The following INTS7 variants were observed in gnomAD, a reference collection of about 807,000 sequenced individuals.
INTS7 encodes chromosome 1 open reading frame 73.
INTS7 carries 46 observed loss-of-function variants against 109.2 expected under a neutral mutation model. That is an observed-to-expected ratio of 0.42 (90% CI 0.33 to 0.54). INTS7 has a LOEUF of 0.54. Among genes scored for constraint, INTS7 ranks in the 20% least tolerant of loss-of-function variants. The pLI is 0.07. For synonymous variants in INTS7, 412 were observed against 402.9 expected (o/e 1.02, Z -0.27); for missense variants, 929 against 1,132.4 (o/e 0.82, Z 2.58).
chr1:211,993,330 A>G (rs1665225012), intron 7 of INTS7, among the ~76,000 whole-genome samples: 1 of 152,250 alleles, frequency 6.6e-6, no homozygotes, highest in Non-Finnish European at 1.5e-5. Context: ...ACTATCTGGA[A>G]CAAATAATAC....
chr1:212,000,048 T>C (rs1480597160), intron 7 of INTS7, among the ~76,000 whole-genome samples: 1 of 151,776 alleles, frequency 6.6e-6, no homozygotes, highest in Non-Finnish European at 1.5e-5. Context: ...GAGGTTGCAG[T>C]GAGCCGAGAT....
chr1:211,944,856 G>A lies in INTS7; in HGVS notation c.2529C>T (p.Leu843=), dbSNP rs771482694. The A allele has an allele frequency of 6.2e-7, 1 of 1,614,192 alleles. No individual in the cohort carries two copies. ...GACAGACAGACTGAATTTTGCGGAA[G>A]AGTCCTGGTTTAGATCCGTGCTGAA... ...GVVQHGSKPG[L]FRKIQSVCLN... Residue 843 remains leucine (L), a synonymous_variant, in exon 19 of 20, where the codon CTC becomes CTT. Transcript: ENST00000366994.
chr1:212,005,926 A>C (rs543413282), intron 7 of INTS7, among the ~76,000 whole-genome samples: 2 of 152,322 alleles, frequency 1.3e-5, no homozygotes, highest in South Asian at 4.1e-4. Flanking sequence ...CAAACAGAAA[A>C]ACAAACACAG....
intron 7 of INTS7, among the ~76,000 whole-genome samples, chr1:212,005,623 C>G (rs79300590): frequency 0.034 from 5,207 of 152,170 alleles, 300 homozygotes; most frequent in African/African-American, 0.12. Context: ...GGGTTTGGTT[C>G]TTTGTACAAA....
intron 16 of INTS7, among the ~76,000 whole-genome samples, chr1:211,963,524 T>C (rs1239548577): frequency 2.6e-5 from 4 of 151,988 alleles, no homozygotes; most frequent in Non-Finnish European, 4.4e-5. Context: ...CAAAACCTGG[T>C]GGAGACACAA....
intron 16 of INTS7, among the ~76,000 whole-genome samples, chr1:211,956,185 T>C (rs537531050): frequency 1.4e-4 from 21 of 152,348 alleles, no homozygotes; most frequent in African/African-American, 5.1e-4. Flanking sequence ...TACAATTATT[T>C]TGGCATCTTT....
chr1:212,013,788 G>A (rs115965470), intron 4 of INTS7, among the ~76,000 whole-genome samples: 3,966 of 152,290 alleles, frequency 0.026, 58 homozygotes, highest in African/African-American at 0.046. Flanking sequence ...GAAACATGCT[G>A]TACAGGTTTA....
intron 6 of INTS7, among the ~76,000 whole-genome samples, 186 bp downstream of exon 6, chr1:212,007,064 G>T (rs555437735): frequency 6.6e-6 from 1 of 151,424 alleles, no homozygotes; most frequent in South Asian, 2.1e-4. Flanking sequence ...TTTCCTCAAG[G>T]GCTCCCAACA....
At position 211,972,168 on chromosome 1, in the gene INTS7, T is replaced by C. The variant is rs566985588; in HGVS notation, c.1815+2998A>G. ...AAGGTAATGGTAATGTCCTATTTTC[T>C]AACTGGATGTTTGGATATTTGTTGT... On this transcript the variant is annotated intron_variant, in intron 13 of 19. Coordinates refer to ENST00000366994, the MANE Select transcript of INTS7 (RefSeq NM_015434.4). Among the ~76,000 whole-genome samples, 8 of 152,326 alleles carry C rather than the reference T, an allele frequency of 5.3e-5. No homozygotes were observed. In the East Asian group the frequency reaches 1.2e-3, roughly 22 times the overall value.
intron 7 of INTS7, among the ~76,000 whole-genome samples, chr1:211,998,883 A>G (rs1198465326): frequency 2.0e-5 from 3 of 152,236 alleles, no homozygotes; most frequent in Non-Finnish European, 4.4e-5. Flanking sequence ...GATACAGATG[A>G]CAAATAAGCC....
At chr1:212,016,130 T>C (rs1365686823) in intron 4 of INTS7, among the ~76,000 whole-genome samples, 1 of 152,210 alleles carries the variant, frequency 6.6e-6, no homozygotes, top group Non-Finnish European at 1.5e-5. Context: ...TTGCTTCTCA[T>C]TTCTTTTGTT....
intron 17 of INTS7, among the ~76,000 whole-genome samples, chr1:211,949,338 C>T (rs1662987472): frequency 6.6e-6 from 1 of 152,134 alleles, no homozygotes; most frequent in African/African-American, 2.4e-5. Context: ...ATTTACTATC[C>T]AACTGCCTAA....
At position 211,975,196 on chromosome 1, in the gene INTS7, T is replaced by G; in HGVS notation, c.1785A>C (p.Lys595Asn). Residue 595 changes from lysine (K) to asparagine (N), a missense_variant, in exon 13 of 20, where the codon AAA becomes AAC. Around this residue, in one of 2 missense-constraint regions of INTS7, gnomAD observed 787 missense variants for 901.1 expected, o/e 0.87. Coordinates refer to ENST00000366994, the MANE Select transcript of INTS7 (RefSeq NM_015434.4). The stretch of plus-strand genomic sequence containing the variant: ...AGGAAGCAATCCCTTTGTGATAGAA[T>G]TTTAAAGATTCAGCAATGCAAGAAA... ...SALSCIAESL[K>N]FYHKGIASLT... is the part of the protein sequence containing the mutation. 5.0e-6 allele frequency: 8 copies of G among 1,613,684 alleles called. No homozygotes were observed. Among genetic ancestry groups the G allele is most frequent in the Non-Finnish European group, 6.8e-6 (8 of 1,179,566 alleles).
intron 7 of INTS7, among the ~76,000 whole-genome samples, chr1:212,001,169 C>T (rs187847823): frequency 8.6e-5 from 13 of 150,768 alleles, no homozygotes; most frequent in Admixed American, 4.0e-4. Context: ...CGGATTCAAG[C>T]GATTCTCCTG....
intron 16 of INTS7, among the ~76,000 whole-genome samples, chr1:211,964,201 G>A (rs774212006): frequency 6.6e-6 from 1 of 151,982 alleles, no homozygotes. Flanking sequence ...AACAACAGTC[G>A]AGCTGAAAGC....
At chr1:211,954,394 A>C (rs866241890) in intron 16 of INTS7, among the ~76,000 whole-genome samples, 5 of 152,174 alleles carry the variant, frequency 3.3e-5, no homozygotes, top group Middle Eastern at 6.8e-3. Flanking sequence ...GAAGCTCTTT[A>C]GTTTAATTAG....
intron 1 of INTS7, among the ~76,000 whole-genome samples, chr1:212,034,666 A>C (rs1363765496): frequency 6.6e-6 from 1 of 152,166 alleles, no homozygotes; most frequent in Non-Finnish European, 1.5e-5. Context: ...CCATTAAGTC[A>C]CTTAATACAA....
At chr1:211,953,319 C>T (rs1490324033) in intron 16 of INTS7, among the ~76,000 whole-genome samples, 1 of 152,164 alleles carries the variant, frequency 6.6e-6, no homozygotes, top group Non-Finnish European at 1.5e-5. Flanking sequence ...TCCTCTACTG[C>T]TTTGAACCCC....
chr1:211,980,999 T>C, intron 10 of INTS7, 94 bp downstream of exon 10: 2 of 605,284 alleles, frequency 3.3e-6, no homozygotes, highest in South Asian at 5.4e-5. Context: ...TTAAAACTTC[T>C]AAGAGTACAG....
Sources: allele counts gnomAD v4.1 joint callset (sites outside exome capture counted in the v4.1 genomes callset), GRCh38; gene constraint gnomAD v4.1.1; regional missense constraint gnomAD v4.1.1; transcripts MANE v1.5; gene names NCBI Gene and HGNC (gene_info 2026-07-23, HGNC 2026-07-21).